Variants in POLB observed in about 807,000 individuals in gnomAD.
POLB encodes DNA polymerase beta, also known as 5'-dRP lyase.
In POLB, 37 loss-of-function variants were observed where a neutral mutation model predicts 52.7. The ratio of observed to expected loss-of-function variants is 0.70; its 90% CI spans 0.54 to 0.92. POLB has a LOEUF of 0.92. POLB is among the 40% of genes least tolerant of loss of function. The pLI is 0.00. For synonymous variants in POLB, 138 were observed against 131.3 expected (o/e 1.05, Z -0.35); for missense variants, 313 against 400.8 (o/e 0.78, Z 1.87).
chr8:42,339,465 G>T (rs1388657818), intron 2 of POLB: 2 of 196,458 alleles, frequency 1.0e-5, no homozygotes, highest in Admixed American at 5.5e-5. Flanking sequence ...CCTGATCCTT[G>T]TTCCTTGTTC....
intron 9 of POLB, among the ~76,000 whole-genome samples, chr8:42,359,110 C>G (rs2130828883): frequency 6.6e-6 from 1 of 152,094 alleles, no homozygotes; most frequent in Non-Finnish European, 1.5e-5. Flanking sequence ...TAAGACATCT[C>G]ACTTCCACAG....
intron 5 of POLB, among the ~76,000 whole-genome samples, chr8:42,350,410 TA>T (rs1822905376): frequency 6.6e-6 from 1 of 152,160 alleles, no homozygotes; most frequent in African/African-American, 2.4e-5. Flanking sequence ...ATATTTATCA[TA>T]GCACCTCATG....
At chr8:42,370,033 G>A (rs1745374445) in intron 13 of POLB, 45 bp downstream of exon 13, 1 of 1,497,496 alleles carries the variant, frequency 6.7e-7, no homozygotes, top group Non-Finnish European at 9.3e-7. Flanking sequence ...CATCTGGAGA[G>A]AAGGTTATTT....
chr8:42,352,858 T>C (rs1823058109), intron 6 of POLB, among the ~76,000 whole-genome samples: 1 of 152,026 alleles, frequency 6.6e-6, no homozygotes, highest in Non-Finnish European at 1.5e-5. Flanking sequence ...GTGGATCACT[T>C]GAGGTCAGGG....
chr8:42,351,677 C>T (rs1202880900), intron 5 of POLB, among the ~76,000 whole-genome samples: 1 of 152,210 alleles, frequency 6.6e-6, no homozygotes, highest in African/African-American at 2.4e-5. Context: ...AGAGCATCTT[C>T]AGTCATTTCT....
chr8:42,364,454 C>T (rs1823916930), intron 11 of POLB, among the ~76,000 whole-genome samples: 1 of 152,118 alleles, frequency 6.6e-6, no homozygotes, highest in Non-Finnish European at 1.5e-5. Context: ...GTCTCGAACT[C>T]CTCAGCTCAA....
chr8:42,370,081 ATGCCAGTTAG>A, intron 13 of POLB, 93 bp downstream of exon 13: 1 of 934,526 alleles, frequency 1.1e-6, no homozygotes, highest in East Asian at 2.4e-5. Context: ...TCTAATAACT[ATGCCAGTTAG>A]TGTAGTTTCT....
At chr8:42,369,234 G>A (rs1333670078) in intron 11 of POLB, 37 bp from the exon 12 acceptor site, 6 of 1,278,128 alleles carry the variant, frequency 4.7e-6, no homozygotes, top group Non-Finnish European at 6.8e-6. Flanking sequence ...CTTAAGTTTA[G>A]AACATCTTTA....
chr8:42,338,779 G>T lies in POLB; in HGVS notation c.61+94G>T, dbSNP rs1822009390. On this transcript the variant is annotated intron_variant, in intron 1 of 13. Coordinates refer to ENST00000265421, the MANE Select transcript of POLB (RefSeq NM_002690.3). ...TCCCACACCGACAGTCCAGTGGGTA[G>T]GGTAGGTTCCTTGCAGCGGGTCGTC... The T allele has an allele frequency of 1.2e-5, 15 of 1,288,692 alleles. No homozygotes were observed. The Admixed American group carries it at 2.6e-4, about 22-fold the overall frequency. 79.8% of individuals were successfully genotyped at this position (1,288,692 alleles called of 1,614,324 possible).
intron 11 of POLB, among the ~76,000 whole-genome samples, chr8:42,363,527 CAAAAAAAAAAAAAAAA>C (rs1163249252): frequency 3.2e-4 from 5 of 15,822 alleles, no homozygotes; most frequent in Non-Finnish European, 7.1e-4. Context: ...GACTCTGTCT[CAAAAAAAAAAAAAAAA>C]AAAAAAAAAA....
Position 42,369,944 on chromosome 8 carries a change from G to T in POLB, c.869G>T (p.Gly290Val). 1 of 1,610,606 alleles carries T rather than the reference G, an allele frequency of 6.2e-7. No individual in the cohort carries two copies. The highest frequency in any genetic ancestry group is 8.5e-7 in the Non-Finnish European group (1 of 1,177,134). ...ATGAGGGCTCATGCCCTAGAAAAGG[G>T]TTTCACAATCAATGAGTACACCATC... Reference protein sequence around the residue: ...KNMRAHALEKGFTINEYTIRP... With the variant: ...KNMRAHALEKVFTINEYTIRP... The change falls in exon 13 of 14, where the codon GGT (glycine) becomes GTT (valine). Residue 290 changes from glycine to valine, a missense_variant. Gly to Val is a moderately radical substitution (Grantham distance 109, BLOSUM62 -3). Coordinates refer to ENST00000265421, the MANE Select transcript of POLB (RefSeq NM_002690.3).
At chr8:42,363,948 A>C (rs1178162570) in intron 11 of POLB, among the ~76,000 whole-genome samples, 1 of 150,388 alleles carries the variant, frequency 6.6e-6, no homozygotes, top group African/African-American at 2.4e-5. Flanking sequence ...TTTTTTGAAA[A>C]GGAGTTTCAC....
chr8:42,362,734 A>G (rs759822271), intron 11 of POLB, 36 bp downstream of exon 11: 1 of 1,203,784 alleles, frequency 8.3e-7, no homozygotes, highest in Non-Finnish European at 1.2e-6. Context: ...TCTAAAAAAA[A>G]ACTTGGAGAC....
In POLB at chr8:42,338,541, C is replaced by G. The variant is rs1043833816; in HGVS notation, c.-84C>G. 1.6e-6 allele frequency: 2 copies of G among 1,271,382 alleles called. No homozygotes were observed. Among genetic ancestry groups the G allele is most frequent in the Admixed American group, 1.7e-5 (1 of 58,744 alleles). 78.8% of individuals were successfully genotyped at this position (1,271,382 alleles called of 1,614,324 possible). On this transcript the variant is annotated 5_prime_UTR_variant, in exon 1 of 14. Coordinates refer to ENST00000265421, the MANE Select transcript of POLB (RefSeq NM_002690.3). The stretch of plus-strand genomic sequence containing the variant: ...AGCTGGGTTGCTCCTGCTCCCGTCT[C>G]CAAGTCCTGGTACCTCCTTCAAGCT...
intron 10 of POLB, among the ~76,000 whole-genome samples, chr8:42,362,215 G>A (rs1170150984): frequency 6.6e-6 from 1 of 151,652 alleles, no homozygotes; most frequent in African/African-American, 2.4e-5. Context: ...AGCCGAGATC[G>A]TGCCACTGCA....
intron 1 of POLB, 45 bp downstream of exon 1, chr8:42,338,730 G>A: frequency 6.4e-7 from 1 of 1,568,070 alleles, no homozygotes; most frequent in African/African-American, 1.3e-5. Context: ...TTTCCTTCCA[G>A]CCTCTTCCCC....
chr8:42,342,571 C>CT (rs1353027324), intron 2 of POLB: 2 of 728,234 alleles, frequency 2.7e-6, no homozygotes, highest in African/African-American at 3.5e-5. Flanking sequence ...ATCTTGTCAT[C>CT]TTTAAGTTTC....
intron 2 of POLB, among the ~76,000 whole-genome samples, chr8:42,343,396 A>T (rs1290493486): frequency 3.1e-5 from 4 of 127,780 alleles, no homozygotes; most frequent in African/African-American, 1.1e-4. Context: ...GTGTGGTAGC[A>T]TACACCTGTT....
At chr8:42,362,800 C>G in intron 11 of POLB, 102 bp downstream of exon 11, 1 of 666,498 alleles carries the variant, frequency 1.5e-6, no homozygotes, top group Non-Finnish European at 2.7e-6. Context: ...TTACAGTCAC[C>G]AAATAGAGTA....
Sources: allele counts gnomAD v4.1 joint callset (sites outside exome capture counted in the v4.1 genomes callset), GRCh38; gene constraint gnomAD v4.1.1; transcripts MANE v1.5; gene names NCBI Gene and HGNC (gene_info 2026-07-23, HGNC 2026-07-21).